The following HERC3 variants were observed in gnomAD, a reference collection of about 807,000 sequenced individuals.
The protein encoded by HERC3 is probable E3 ubiquitin-protein ligase HERC3.
Under a neutral mutation model 129.9 loss-of-function variants are expected in HERC3, and 58 were observed. The observed-to-expected ratio is 0.45, with a 90% CI of 0.36 to 0.56. The LOEUF (loss-of-function observed/expected upper bound fraction) is 0.56, where lower values mean the gene tolerates loss of function less well. Among genes scored for constraint, HERC3 ranks in the 20% least tolerant of loss-of-function variants. HERC3 has a pLI of 0.00. For missense variants in HERC3, 835 were observed against 1,244.2 expected, an observed-to-expected ratio of 0.67 and a Z score of 4.95; for synonymous variants, 430 against 451.0, an observed-to-expected ratio of 0.95 and a Z score of 0.59.
At chr4:88,607,557 A>G (rs1412499786) in intron 3 of HERC3, among the ~76,000 whole-genome samples, 1 of 152,028 alleles carries the variant, frequency 6.6e-6, no homozygotes, top group Non-Finnish European at 1.5e-5. Context: ...TCCGCCTCCC[A>G]GGCTGCAGAT....
chr4:88,525,322 A>C, the HERC3 span, among the ~76,000 whole-genome samples: 1 of 152,220 alleles, frequency 6.6e-6, no homozygotes, highest in Non-Finnish European at 1.5e-5. Flanking sequence ...ATTTCCGACT[A>C]GGGCAGTAGC....
At chr4:88,637,425 C>CCAAA (rs113033783) in intron 3 of HERC3, among the ~76,000 whole-genome samples, 8,107 of 151,938 alleles carry the variant, frequency 0.053, 309 homozygotes, top group Middle Eastern at 0.12. Flanking sequence ...GACTCTGTCT[C>CCAAA]CAAACAAACA....
At chr4:88,525,729 T>C in the HERC3 span, among the ~76,000 whole-genome samples, 1 of 152,218 alleles carries the variant, frequency 6.6e-6, no homozygotes, top group Non-Finnish European at 1.5e-5. Context: ...ACTATCACCA[T>C]GTGTGTATTA....
chr4:88,539,779 G>A, the HERC3 span, among the ~76,000 whole-genome samples: 1 of 152,190 alleles, frequency 6.6e-6, no homozygotes, highest in Non-Finnish European at 1.5e-5. Flanking sequence ...TTCCGCTGGT[G>A]ATACCCAGGA....
chr4:88,572,073 C>T, the HERC3 span, among the ~76,000 whole-genome samples: 4 of 151,948 alleles, frequency 2.6e-5, no homozygotes, highest in Admixed American at 2.6e-4. Flanking sequence ...GAAGGAAGAC[C>T]AAGTGAAGTC....
At chr4:88,651,359 T>C (rs1230575903) in intron 4 of HERC3, among the ~76,000 whole-genome samples, 1 of 152,216 alleles carries the variant, frequency 6.6e-6, no homozygotes, top group Non-Finnish European at 1.5e-5. Flanking sequence ...TATACCTTTG[T>C]ATTGTGGAAA....
At chr4:88,637,126 C>A in intron 3 of HERC3, among the ~76,000 whole-genome samples, 1 of 151,316 alleles carries the variant, frequency 6.6e-6, no homozygotes, top group East Asian at 1.9e-4. Flanking sequence ...GAGATGCCAT[C>A]TCAAAAACAA....
At chr4:88,606,351 A>T (rs541882590) in intron 3 of HERC3, among the ~76,000 whole-genome samples, 1 of 151,278 alleles carries the variant, frequency 6.6e-6, no homozygotes, top group South Asian at 2.1e-4. Context: ...TCCCAGGTTC[A>T]GGCAATTTTC....
At chr4:88,564,005 T>A in the HERC3 span, among the ~76,000 whole-genome samples, 2 of 152,196 alleles carry the variant, frequency 1.3e-5, no homozygotes, top group African/African-American at 2.4e-5. Context: ...TGAAGAAATG[T>A]TGAATTTTAT....
chr4:88,703,899 C>T (rs1735541201), intron 23 of HERC3, among the ~76,000 whole-genome samples, 199 bp from the exon 24 acceptor site: 1 of 152,116 alleles, frequency 6.6e-6, no homozygotes, highest in African/African-American at 2.4e-5. Context: ...TCACCTGAGG[C>T]ACTTGGTGGA....
At chr4:88,627,313 A>T (rs770846979) in intron 3 of HERC3, among the ~76,000 whole-genome samples, 14 of 152,164 alleles carry the variant, frequency 9.2e-5, no homozygotes, top group Non-Finnish European at 1.8e-4. Context: ...ACAGATTGAA[A>T]ATATTTAGGA....
chr4:88,641,576 C>A (rs1433673460), intron 3 of HERC3, among the ~76,000 whole-genome samples: 1 of 152,014 alleles, frequency 6.6e-6, no homozygotes, highest in East Asian at 1.9e-4. Context: ...TCAAAGAGAA[C>A]AAAAGAAAAC....
At chr4:88,525,969 T>C in the HERC3 span, among the ~76,000 whole-genome samples, 2 of 152,352 alleles carry the variant, frequency 1.3e-5, no homozygotes, top group South Asian at 4.1e-4. Flanking sequence ...AGATACAATA[T>C]AGCTGTGTGA....
the HERC3 span, among the ~76,000 whole-genome samples, chr4:88,528,391 C>T: frequency 1.3e-5 from 2 of 152,140 alleles, no homozygotes; most frequent in African/African-American, 4.8e-5. Context: ...GCAGCAGCCA[C>T]GTCTCTCAAG....
the HERC3 span, among the ~76,000 whole-genome samples, chr4:88,560,288 G>A: frequency 6.6e-6 from 1 of 152,030 alleles, no homozygotes; most frequent in Non-Finnish European, 1.5e-5. Context: ...CATCCTAAGG[G>A]GTGTGAGGTG....
intron 3 of HERC3, among the ~76,000 whole-genome samples, chr4:88,630,264 G>A (rs535923362): frequency 6.6e-6 from 1 of 152,230 alleles, no homozygotes; most frequent in Admixed American, 6.5e-5. Context: ...TGAAATGTCT[G>A]TGAGCTTCCC....
At chr4:88,656,285 A>G (rs1479493854) in intron 9 of HERC3, 3 of 472,460 alleles carry the variant, frequency 6.3e-6, no homozygotes, top group East Asian at 3.3e-5. Flanking sequence ...CACCTGAAAC[A>G]GGGTGATTTA....
chr4:88,536,708 C>T, the HERC3 span, among the ~76,000 whole-genome samples: 2 of 152,194 alleles, frequency 1.3e-5, no homozygotes, highest in African/African-American at 4.8e-5. Flanking sequence ...AAAAATATTA[C>T]ACAGTTACAG....
chr4:88,625,765 A>G (rs563046173), intron 3 of HERC3, among the ~76,000 whole-genome samples: 1 of 152,314 alleles, frequency 6.6e-6, no homozygotes, highest in Admixed American at 6.5e-5. Flanking sequence ...TTCACCATTA[A>G]GTGTGATGTT....
Sources: gnomAD v4.1 joint callset for allele counts (sites outside exome capture counted in the v4.1 genomes callset) on GRCh38, gnomAD v4.1.1 for gene constraint, MANE v1.5 for transcripts, NCBI Gene and HGNC (gene_info 2026-07-23, HGNC 2026-07-21) for gene names.